SLC30A9: variants seen among roughly 807,000 people sequenced by gnomAD.
SLC30A9 encodes the protein proton-coupled zinc antiporter SLC30A9, mitochondrial.
SLC30A9 carries 58 observed loss-of-function variants against 87.5 expected under a neutral mutation model. The observed-to-expected ratio is 0.66, with a 90% CI of 0.54 to 0.82. The LOEUF (loss-of-function observed/expected upper bound fraction) is 0.82. Among genes scored for constraint, SLC30A9 ranks in the 40% least tolerant of loss-of-function variants. SLC30A9 has a pLI of 0.00. For missense variants in SLC30A9, 557 were observed against 679.1 expected (o/e 0.82, Z 2.00); for synonymous variants, 234 against 233.0 (o/e 1.00, Z -0.04).
chr4:42,006,811 G>A (rs2581444), intron 2 of SLC30A9, among the ~76,000 whole-genome samples: 96,983 of 152,010 alleles, frequency 0.64, 35,641 homozygotes, highest in East Asian at 0.96. Context: ...ACAAGAGACG[G>A]TGATCCAGCT....
chr4:42,062,192 CAAA>C (rs1263400379), intron 10 of SLC30A9, among the ~76,000 whole-genome samples: 3 of 88,494 alleles, frequency 3.4e-5, no homozygotes, highest in Non-Finnish European at 4.8e-5. Context: ...AACTCCGTCT[CAAA>C]AAAAAAAAAA....
At chr4:42,082,293 CATAGTTGAGGTGCCAAACCAAAAGGGA>C (rs1718772080) in intron 17 of SLC30A9, among the ~76,000 whole-genome samples, 1 of 151,932 alleles carries the variant, frequency 6.6e-6, no homozygotes, top group Admixed American at 6.6e-5. Context: ...AGGACATGTT[CATAGTTGAGGTGCCAAACCAAAAGGGA>C]ATGCATGAAT....
At chr4:41,993,207 A>AT (rs1458719045) in intron 1 of SLC30A9, among the ~76,000 whole-genome samples, 6 of 150,836 alleles carry the variant, frequency 4.0e-5, no homozygotes, top group African/African-American at 1.5e-4. Flanking sequence ...ATTTAATACT[A>AT]TTTTATTAAG....
At chr4:42,061,920 C>T (rs1237122918) in intron 10 of SLC30A9, among the ~76,000 whole-genome samples, 17 of 130,214 alleles carry the variant, frequency 1.3e-4, no homozygotes, top group African/African-American at 4.0e-4. Context: ...AAATGTCGGG[C>T]GCGGTGGCCC....
At chr4:42,085,489 C>T (rs1396619124) in intron 17 of SLC30A9, among the ~76,000 whole-genome samples, 1 of 152,204 alleles carries the variant, frequency 6.6e-6, no homozygotes, top group African/African-American at 2.4e-5. Flanking sequence ...AACACACATA[C>T]ATGTGCTCAT....
chr4:41,995,315 A>G (rs1359495900), intron 1 of SLC30A9, among the ~76,000 whole-genome samples: 1 of 152,218 alleles, frequency 6.6e-6, no homozygotes, highest in Non-Finnish European at 1.5e-5. Context: ...TATGCAGATC[A>G]AGTTCATGAT....
chr4:42,089,784 T>TA lies in SLC30A9; in HGVS notation c.*3659dup, dbSNP rs1560565955. On this transcript the variant is annotated 3_prime_UTR_variant, in exon 18 of 18. Transcript: ENST00000264451. Reference sequence around the variant, plus strand: ...CTCCAAAGAGGTAAGTTCCTGAACATACACTAAAGAACCTGTGAGATAAGA... The same window carrying TA: ...CTCCAAAGAGGTAAGTTCCTGAACATAACACTAAAGAACCTGTGAGATAAGA... 3 of 152,194 alleles carry TA rather than the reference T, an allele frequency of 2.0e-5. No individual in the cohort carries two copies. The highest frequency in any genetic ancestry group is 4.4e-5 in the Non-Finnish European group (3 of 68,036). 9.4% of individuals were successfully genotyped at this position (152,194 alleles called of 1,614,324 possible).
chr4:41,998,055 CT>C (rs1432839336), intron 1 of SLC30A9, among the ~76,000 whole-genome samples: 1 of 152,184 alleles, frequency 6.6e-6, no homozygotes, highest in Non-Finnish European at 1.5e-5. Flanking sequence ...AAAAGAGTGT[CT>C]TTTTGTTGTT....
intron 4 of SLC30A9, among the ~76,000 whole-genome samples, chr4:42,022,507 A>G (rs1410238159): frequency 6.6e-6 from 1 of 152,016 alleles, no homozygotes; most frequent in East Asian, 1.9e-4. Flanking sequence ...GCCACCACGC[A>G]TTACCTAACT....
intron 1 of SLC30A9, among the ~76,000 whole-genome samples, chr4:41,995,734 G>C (rs866774751): frequency 1.3e-5 from 2 of 152,308 alleles, no homozygotes; most frequent in Middle Eastern, 3.4e-3. Context: ...TTTTGAGAAA[G>C]GGTCTTGCTC....
At chr4:42,015,668 A>G (rs974302811) in intron 2 of SLC30A9, among the ~76,000 whole-genome samples, 1 of 152,112 alleles carries the variant, frequency 6.6e-6, no homozygotes, top group East Asian at 1.9e-4. Context: ...TCCTATCTCT[A>G]TGTAAAATGC....
chr4:42,029,876 G>A, intron 6 of SLC30A9: 1 of 708,310 alleles, frequency 1.4e-6, no homozygotes, highest in Non-Finnish European at 2.7e-6. Context: ...ATGAAGATAA[G>A]GATAAAAATA....
intron 1 of SLC30A9, among the ~76,000 whole-genome samples, chr4:41,995,691 A>G (rs956395150): frequency 6.6e-6 from 1 of 152,154 alleles, no homozygotes; most frequent in Non-Finnish European, 1.5e-5. Context: ...GAGGAACTGT[A>G]AAGATCAGAC....
At chr4:41,994,902 G>C (rs1714630236) in intron 1 of SLC30A9, among the ~76,000 whole-genome samples, 1 of 147,726 alleles carries the variant, frequency 6.8e-6, no homozygotes, top group African/African-American at 2.5e-5. Context: ...GAGGAGGAGG[G>C]ACCTCTGCTG....
chr4:42,025,866 C>T (rs1159201148), intron 6 of SLC30A9, among the ~76,000 whole-genome samples: 4 of 152,042 alleles, frequency 2.6e-5, no homozygotes, highest in African/African-American at 4.8e-5. Flanking sequence ...AGGGTTTCAC[C>T]GTGGTCTCGA....
In SLC30A9 at chr4:42,067,120, T is replaced by TCC; in HGVS notation, c.1180_1181insCC (p.Leu394SerfsTer13). ...TCGTGATCCTAGTACAAATGTGATATTATTGGAGGATACTGCTGCAGTCTT... is the reference window on the plus strand; with the variant it reads ...TCGTGATCCTAGTACAAATGTGATATCCTATTGGAGGATACTGCTGCAGTCTT... On this transcript the variant is annotated frameshift_variant, in exon 14 of 18. Coordinates refer to ENST00000264451, the MANE Select transcript of SLC30A9 (RefSeq NM_006345.4). LOFTEE classifies it high-confidence loss of function. 3.1e-6 allele frequency: 5 copies of TCC among 1,612,528 alleles called. No homozygotes were observed. The highest frequency in any genetic ancestry group is 4.2e-6 in the Non-Finnish European group (5 of 1,178,800).
intron 6 of SLC30A9, among the ~76,000 whole-genome samples, chr4:42,031,503 C>T (rs907460474): frequency 5.3e-5 from 8 of 152,148 alleles, no homozygotes; most frequent in African/African-American, 1.9e-4. Flanking sequence ...TCTATAAATG[C>T]TTTCAAAGCA....
At chr4:42,039,168 GT>G in intron 8 of SLC30A9, 115 bp downstream of exon 8, 1 of 759,076 alleles carries the variant, frequency 1.3e-6, no homozygotes, top group Non-Finnish European at 2.2e-6. Flanking sequence ...GGTTTATTTT[GT>G]TTTAGGAGGA....
intron 6 of SLC30A9, chr4:42,030,017 G>T: frequency 1.1e-6 from 1 of 878,036 alleles, no homozygotes; most frequent in South Asian, 1.3e-5. Context: ...ACCTTACCAT[G>T]GACACTGAAA....
Sources: allele counts gnomAD v4.1 joint callset (sites outside exome capture counted in the v4.1 genomes callset), GRCh38; gene constraint gnomAD v4.1.1; transcripts MANE v1.5; gene names NCBI Gene and HGNC (gene_info 2026-07-23, HGNC 2026-07-21).